BSN: variants seen among roughly 807,000 people sequenced by gnomAD.
BSN encodes the protein protein bassoon.
BSN carries 57 observed loss-of-function variants against 264.8 expected under a neutral mutation model. The ratio of observed to expected loss-of-function variants is 0.22; its 90% CI spans 0.17 to 0.27. The LOEUF (loss-of-function observed/expected upper bound fraction) is 0.27. Ranked by LOEUF, BSN falls within the 10% of genes least tolerant of loss-of-function variation. The pLI is 1.00. For synonymous variants in BSN, 2,059 were observed against 2,137.3 expected (o/e 0.96, Z 1.01); for missense variants, 4,615 against 5,232.5 (o/e 0.88, Z 3.64).
chr3:49,577,747 C>T (rs2051857073), intron 1 of BSN, among the ~76,000 whole-genome samples: 1 of 151,838 alleles, frequency 6.6e-6, no homozygotes, highest in African/African-American at 2.4e-5. Flanking sequence ...ACCATGTTGC[C>T]CAGGCTGGTC....
Position 49,625,394 on chromosome 3 carries a change from C to G in BSN, c.633+11C>G. The G allele has an allele frequency of 6.8e-7, 1 of 1,460,732 alleles. No homozygotes were observed. Among genetic ancestry groups the G allele is most frequent in the African/African-American group, 1.4e-5 (1 of 69,728 alleles). 90.5% of individuals were successfully genotyped at this position (1,460,732 alleles called of 1,614,324 possible). ...CCTCATCTCACCCAGGTAACCACTT[C>G]TGCGCCGGCTCCCCACTCACCTGCT... On this transcript the variant is annotated intron_variant, in intron 2 of 11. Coordinates refer to ENST00000296452, the MANE Select transcript of BSN (RefSeq NM_003458.4). The surrounding 1 kb of genome is among the most constrained non-coding windows in gnomAD (Gnocchi z 4.4).
intron 1 of BSN, among the ~76,000 whole-genome samples, chr3:49,612,139 A>AT (rs10623266): frequency 0.31 from 45,516 of 148,256 alleles, 7,442 homozygotes; most frequent in African/African-American, 0.35. Context: ...ACAAAGAATG[A>AT]TTTTTTTTTT....
intron 1 of BSN, among the ~76,000 whole-genome samples, chr3:49,574,604 A>C (rs1337844122): frequency 1.9e-5 from 2 of 104,780 alleles, no homozygotes; most frequent in African/African-American, 3.7e-5. Context: ...TGGCTAATTT[A>C]TGTGTTTTTA....
intron 2 of BSN, among the ~76,000 whole-genome samples, chr3:49,641,218 A>G (rs4283605): frequency 0.28 from 42,697 of 152,008 alleles, 6,479 homozygotes; most frequent in Middle Eastern, 0.31. Context: ...AGATCCAGGG[A>G]ATGGAATGAA....
chr3:49,631,645 G>A (rs2052384939), intron 2 of BSN, among the ~76,000 whole-genome samples: 1 of 152,066 alleles, frequency 6.6e-6, no homozygotes, highest in Non-Finnish European at 1.5e-5. Flanking sequence ...GGAGGCAGTT[G>A]GAAAAAGAGG....
chr3:49,558,479 T>C (rs1277598546), intron 1 of BSN, among the ~76,000 whole-genome samples: 1 of 152,264 alleles, frequency 6.6e-6, no homozygotes, highest in Non-Finnish European at 1.5e-5. Flanking sequence ...AAGGCTGCTC[T>C]GAGAACCATA....
chr3:49,662,837 G>T, intron 6 of BSN, 39 bp from the exon 7 acceptor site: 1 of 1,524,766 alleles, frequency 6.6e-7, no homozygotes, highest in South Asian at 1.3e-5. Flanking sequence ...CCTGCGGCTA[G>T]CCCGGGGGTT....
In BSN at chr3:49,642,597, A is replaced by G; in HGVS notation, c.963A>G (p.Ala321=). The G allele has an allele frequency of 6.2e-7, 1 of 1,604,720 alleles. No individual in the cohort carries two copies. The highest frequency in any genetic ancestry group is 8.5e-7 in the Non-Finnish European group (1 of 1,174,464). Residue 321 remains alanine, a synonymous_variant, in exon 3 of 12, where the codon GCA becomes GCG. Coordinates refer to ENST00000296452, the MANE Select transcript of BSN (RefSeq NM_003458.4). The surrounding 1 kb of genome is among the most constrained non-coding windows in gnomAD (Gnocchi z 7.0). ...CCACAGCTGAGCCCAGGCCACCTGC[A>G]GGAGAGGCCCCGGCCAAAAGTGCCA... The part of the protein sequence containing the change: ...KPSTAEPRPP[A]GEAPAKSATA...
intron 1 of BSN, among the ~76,000 whole-genome samples, chr3:49,561,942 G>C (rs1414059453): frequency 6.6e-6 from 1 of 151,954 alleles, no homozygotes; most frequent in Non-Finnish European, 1.5e-5. Context: ...CGAGTAGCTG[G>C]GATTACAAGT....
chr3:49,643,289 G>C (rs2052481130), intron 3 of BSN, 137 bp downstream of exon 3: 1 of 1,387,968 alleles, frequency 7.2e-7, no homozygotes, highest in Non-Finnish European at 9.5e-7. Context: ...TGCTGCAGAG[G>C]GGCTGCATTC....
At chr3:49,622,517 C>T (rs1559607586) in intron 1 of BSN, among the ~76,000 whole-genome samples, 1 of 152,154 alleles carries the variant, frequency 6.6e-6, no homozygotes, top group Non-Finnish European at 1.5e-5. Flanking sequence ...TTTAAAAAGT[C>T]ACTGTATATA....
chr3:49,638,365 T>C lies in BSN; in HGVS notation c.634-3903T>C, dbSNP rs1392285912. Reference sequence around the variant, plus strand: ...CTCTCTCCCTACCCCGTGGACAGCCTCCATCCCCCTGAGTGTGGGGATAGG... The same window carrying C: ...CTCTCTCCCTACCCCGTGGACAGCCCCCATCCCCCTGAGTGTGGGGATAGG... On this transcript the variant is annotated intron_variant, in intron 2 of 11. Coordinates refer to ENST00000296452, the MANE Select transcript of BSN (RefSeq NM_003458.4). This position sits in a 1 kb window ranked among gnomAD's most constrained non-coding sequence, Gnocchi z 4.3. Among the ~76,000 whole-genome samples the C allele has an allele frequency of 1.3e-5, 2 of 152,158 alleles. No homozygotes were observed. Among genetic ancestry groups the C allele is most frequent in the African/African-American group, 4.8e-5 (2 of 41,442 alleles).
intron 1 of BSN, among the ~76,000 whole-genome samples, chr3:49,612,936 C>G (rs572920971): frequency 7.6e-4 from 116 of 152,260 alleles, no homozygotes; most frequent in African/African-American, 2.6e-3. Flanking sequence ...AGTTTCAGAC[C>G]AGCCTGACCA....
In BSN at chr3:49,625,840, A is replaced by G. The variant is rs575358909; in HGVS notation, c.633+457A>G. Among the ~76,000 whole-genome samples the G allele has an allele frequency of 6.6e-6, 1 of 152,116 alleles. No individual in the cohort carries two copies. The highest frequency in any genetic ancestry group is 1.5e-5 in the Non-Finnish European group (1 of 68,012). ...ATGGGGATGCTGGTGAGGGGAGAAA[A>G]GTTTCAGGGGAGGCAGGAAACTGCC... is the stretch of plus-strand genomic sequence containing the variant. On this transcript the variant is annotated intron_variant, in intron 2 of 11. Transcript: ENST00000296452. This position sits in a 1 kb window ranked among gnomAD's most constrained non-coding sequence, Gnocchi z 4.4.
In BSN at chr3:49,653,697, C is replaced by G; in HGVS notation, c.4141C>G (p.Pro1381Ala). 1 of 1,613,838 alleles carries G rather than the reference C, an allele frequency of 6.2e-7. No individual in the cohort carries two copies. Among genetic ancestry groups the G allele is most frequent in the Non-Finnish European group, 8.5e-7 (1 of 1,179,874 alleles). The part of the protein sequence containing the change: ...GMPFSQGPGT[P>A]ATTAVAPCPA... Reference sequence around the variant, plus strand: ...GCCCTTTTCCCAGGGCCCTGGGACCCCAGCCACCACAGCTGTGGCTCCTTG... The same window carrying G: ...GCCCTTTTCCCAGGGCCCTGGGACCGCAGCCACCACAGCTGTGGCTCCTTG... Residue 1381 changes from proline to alanine, a missense_variant, in exon 5 of 12, where the codon CCA becomes GCA. By Grantham distance (27) the Pro-to-Ala change is conservative. This residue lies in a region of BSN where 3,415 missense variants were observed against 3,866.4 expected (regional missense o/e 0.88). Transcript: ENST00000296452. The surrounding 1 kb of genome is among the most constrained non-coding windows in gnomAD (Gnocchi z 6.3).
At chr3:49,571,344 A>T (rs1343886777) in intron 1 of BSN, among the ~76,000 whole-genome samples, 1 of 152,168 alleles carries the variant, frequency 6.6e-6, no homozygotes, top group East Asian at 1.9e-4. Context: ...CTCCCTGGCT[A>T]CTTTGGAATA....
chr3:49,633,629 C>T (rs139087782), intron 2 of BSN, among the ~76,000 whole-genome samples: 43 of 152,274 alleles, frequency 2.8e-4, no homozygotes, highest in African/African-American at 9.4e-4. Context: ...TTTGTACACC[C>T]ATGTTCACAG....
In BSN at chr3:49,668,929, A is replaced by G. The variant is rs564877266; in HGVS notation, c.*1444A>G. On this transcript the variant is annotated 3_prime_UTR_variant, in exon 12 of 12. Transcript: ENST00000296452. ...ATAAGGAGTTAATTGCAAACATGCA[A>G]TTGAGAAACTGGATAGATACACTCA... The G allele has an allele frequency of 3.3e-5, 5 of 152,682 alleles. No individual in the cohort carries two copies. The highest frequency in any genetic ancestry group is 9.6e-5 in the African/African-American group (4 of 41,568). 9.5% of individuals were successfully genotyped at this position (152,682 alleles called of 1,614,324 possible). A position where few individuals can be genotyped will look rare whatever the true frequency, so the allele number is the denominator to read the frequency against.
rs367610320 is a variant in BSN at position 49,655,074 on chromosome 3, G to C, written c.5518G>C (p.Glu1840Gln). The C allele has an allele frequency of 5.0e-6, 8 of 1,612,860 alleles. No individual in the cohort carries two copies. The East Asian group carries it at 1.6e-4, about 31-fold the overall frequency. ...AGGCCCAGTGCCAGAGCCAGGTGCC[G>C]AGCCCCACCGGGCCACCCCTGCAGA... The part of the protein sequence containing the change: ...KPGPVPEPGA[E>Q]PHRATPAELR... Residue 1840 changes from glutamate to glutamine, a missense_variant, in exon 5 of 12, where the codon GAG (glutamate) becomes CAG (glutamine). By Grantham distance (29) the Glu-to-Gln change is conservative. This residue lies in a region of BSN where 3,415 missense variants were observed against 3,866.4 expected (regional missense o/e 0.88). Coordinates refer to ENST00000296452, the MANE Select transcript of BSN (RefSeq NM_003458.4).
Sources: allele counts gnomAD v4.1 joint callset (sites outside exome capture counted in the v4.1 genomes callset), GRCh38; gene constraint gnomAD v4.1.1; regional missense constraint gnomAD v4.1.1; non-coding constraint Gnocchi (gnomAD v3.1); transcripts MANE v1.5; gene names NCBI Gene and HGNC (gene_info 2026-07-23, HGNC 2026-07-21).